Variants in SHB observed in about 807,000 individuals in gnomAD.
SHB encodes the protein SH2 domain containing adaptor protein B, also known as SH2 domain-containing adapter protein B.
In SHB, 20 loss-of-function variants were observed where a neutral mutation model predicts 52.3. That is an observed-to-expected ratio of 0.38 (90% CI 0.27 to 0.56). SHB has a LOEUF of 0.56. SHB is among the 20% of genes least tolerant of loss of function. The pLI is 0.71. For missense variants in SHB, 825 were observed against 723.3 expected (o/e 1.14, Z -1.61); for synonymous variants, 397 against 316.5 (o/e 1.25, Z -2.70).
At chr9:37,934,036 C>T (rs572016160) in intron 5 of SHB, among the ~76,000 whole-genome samples, 106 of 152,334 alleles carry the variant, frequency 7.0e-4, no homozygotes, top group Non-Finnish European at 1.2e-3. Context: ...TCTCACACAG[C>T]GGGAGTCAGC....
chr9:38,030,225 G>C (rs1028576733), intron 1 of SHB, among the ~76,000 whole-genome samples: 3 of 152,190 alleles, frequency 2.0e-5, no homozygotes, highest in South Asian at 2.1e-4. Flanking sequence ...TCTGGCCTGG[G>C]GCAGGGGACC....
At position 37,921,882 on chromosome 9, in the gene SHB, C is replaced by G. The variant is rs1287095873; in HGVS notation, c.1347-1878G>C. Among the ~76,000 whole-genome samples, 4 of 152,192 alleles carry G rather than the reference C, an allele frequency of 2.6e-5. No individual in the cohort carries two copies. In the East Asian group the frequency reaches 7.7e-4, roughly 29 times the overall value. Reference sequence around the variant, plus strand: ...TAAGTAATGCGCTGAAACTGTGTGGCTGAGAAAACAGCAGAAGAGTTAAAA... The same window carrying G: ...TAAGTAATGCGCTGAAACTGTGTGGGTGAGAAAACAGCAGAAGAGTTAAAA... On this transcript the variant is annotated intron_variant, in intron 5 of 5. Transcript: ENST00000377707.
At chr9:38,029,672 G>C (rs1300606846) in intron 1 of SHB, among the ~76,000 whole-genome samples, 2 of 152,048 alleles carry the variant, frequency 1.3e-5, no homozygotes, top group African/African-American at 4.8e-5. Flanking sequence ...TGTATTTTTA[G>C]TACAGACAGG....
At chr9:38,055,973 G>C (rs1821810303) in intron 1 of SHB, among the ~76,000 whole-genome samples, 1 of 152,154 alleles carries the variant, frequency 6.6e-6, no homozygotes, top group Admixed American at 6.5e-5. Context: ...TAAAGATGAA[G>C]CCCTAGTTAA....
intron 5 of SHB, among the ~76,000 whole-genome samples, chr9:37,921,636 C>G (rs1196867006): frequency 6.6e-6 from 1 of 152,176 alleles, no homozygotes; most frequent in Non-Finnish European, 1.5e-5. Context: ...GTTCTAATTA[C>G]AGAGCCTGTG....
At chr9:38,048,848 T>C (rs974213382) in intron 1 of SHB, among the ~76,000 whole-genome samples, 1 of 152,176 alleles carries the variant, frequency 6.6e-6, no homozygotes, top group South Asian at 2.1e-4. Flanking sequence ...TGCTTTTCCC[T>C]AGGAGGGCAC....
intron 1 of SHB, among the ~76,000 whole-genome samples, chr9:38,022,556 C>T (rs1035224545): frequency 1.3e-5 from 2 of 152,158 alleles, no homozygotes; most frequent in South Asian, 2.1e-4. Flanking sequence ...GGACGTGAGG[C>T]GGCAGCAGCA....
intron 1 of SHB, among the ~76,000 whole-genome samples, chr9:38,028,690 G>A (rs985738057): frequency 1.3e-5 from 2 of 152,202 alleles, no homozygotes; most frequent in Non-Finnish European, 2.9e-5. Context: ...AAGAAGTTAA[G>A]GAGTCTATTT....
chr9:37,919,854 G>A lies in SHB; in HGVS notation c.1497C>T (p.Ser499=), dbSNP rs1210440447. Residue 499 remains serine, a synonymous_variant, in exon 6 of 6, where the codon TCC becomes TCT. Coordinates refer to ENST00000377707, the MANE Select transcript of SHB (RefSeq NM_003028.3). Reference sequence around the variant, plus strand: ...TCCTCACAGCCACGGGATAGAGGAGGGACAAGTGCTCAGCCCCTTTGATGG... The same window carrying A: ...TCCTCACAGCCACGGGATAGAGGAGAGACAAGTGCTCAGCCCCTTTGATGG... The part of the protein sequence containing the change: ...KLPIKGAEHL[S]LLYPVAVRTL 2 of 1,614,008 alleles carry A rather than the reference G, an allele frequency of 1.2e-6. No individual in the cohort carries two copies. Among genetic ancestry groups the A allele is most frequent in the Admixed American group, 3.3e-5 (2 of 60,026 alleles).
chr9:38,006,394 C>T (rs1821076433), intron 2 of SHB, among the ~76,000 whole-genome samples: 1 of 152,204 alleles, frequency 6.6e-6, no homozygotes, highest in Admixed American at 6.5e-5. Context: ...CCACACCCTG[C>T]CCAGCACGCA....
intron 1 of SHB, among the ~76,000 whole-genome samples, chr9:38,022,244 G>A (rs1821290522): frequency 6.6e-6 from 1 of 152,184 alleles, no homozygotes; most frequent in Non-Finnish European, 1.5e-5. Context: ...AGGTCATGAA[G>A]CAAGCCCCCC....
intron 1 of SHB, among the ~76,000 whole-genome samples, chr9:38,023,531 A>G (rs906224639): frequency 2.6e-5 from 4 of 152,254 alleles, no homozygotes; most frequent in African/African-American, 9.6e-5. Flanking sequence ...TAGGGAAGAC[A>G]GGACAAAGAC....
chr9:38,011,394 G>A (rs1366611015), intron 2 of SHB, among the ~76,000 whole-genome samples: 1 of 152,180 alleles, frequency 6.6e-6, no homozygotes, highest in Non-Finnish European at 1.5e-5. Context: ...TGAGAGACGA[G>A]TCAAGGAAGA....
intron 1 of SHB, among the ~76,000 whole-genome samples, chr9:38,040,660 CA>C (rs1308548060): frequency 1.3e-5 from 2 of 151,944 alleles, no homozygotes; most frequent in Non-Finnish European, 2.9e-5. Context: ...GGGGTATCAG[CA>C]ATAGGGCACA....
At chr9:38,015,529 A>G (rs1488066370) in intron 2 of SHB, 1 of 697,598 alleles carries the variant, frequency 1.4e-6, no homozygotes. Flanking sequence ...TCCAAAACAA[A>G]GATTTCTCGG....
chr9:38,023,726 G>A (rs1261926317), intron 1 of SHB, among the ~76,000 whole-genome samples: 1 of 152,150 alleles, frequency 6.6e-6, no homozygotes, highest in Non-Finnish European at 1.5e-5. Context: ...AAGTGGTGGA[G>A]AACCTCTCAT....
chr9:37,986,533 A>T (rs1820808769), intron 2 of SHB, among the ~76,000 whole-genome samples: 1 of 152,206 alleles, frequency 6.6e-6, no homozygotes, highest in Non-Finnish European at 1.5e-5. Flanking sequence ...TCCTTTAAGA[A>T]GCTGGCAGGA....
In SHB at chr9:37,916,627, G is replaced by A. The variant is rs1272215566; in HGVS notation, c.*3194C>T. Among the ~76,000 whole-genome samples the A allele has an allele frequency of 4.6e-5, 7 of 152,240 alleles. No homozygotes were observed. The highest frequency in any genetic ancestry group is 7.2e-5 in the African/African-American group (3 of 41,478). On this transcript the variant is annotated 3_prime_UTR_variant, in exon 6 of 6. Coordinates refer to ENST00000377707, the MANE Select transcript of SHB (RefSeq NM_003028.3). ...CAGCCGCCCTGTGAGGACAGGGCCT[G>A]CCTCCTGAAGCCTCGGAGTCTTTGC... is the stretch of plus-strand genomic sequence containing the variant.
At chr9:37,986,523 T>A (rs566745494) in intron 2 of SHB, among the ~76,000 whole-genome samples, 1 of 152,242 alleles carries the variant, frequency 6.6e-6, no homozygotes, top group Non-Finnish European at 1.5e-5. Context: ...ATACACAAAA[T>A]CCTTTAAGAA....
Sources: allele counts gnomAD v4.1 joint callset (sites outside exome capture counted in the v4.1 genomes callset), GRCh38; gene constraint gnomAD v4.1.1; transcripts MANE v1.5; gene names NCBI Gene and HGNC (gene_info 2026-07-23, HGNC 2026-07-21).